The following PRP4K variants were observed in gnomAD, a reference collection of about 807,000 sequenced individuals.
PRP4K encodes the protein serine/threonine-protein kinase PRP4 homolog.
chr6:4,060,756 G>T, the PRP4K span: 1 of 775,988 alleles, frequency 1.3e-6, no homozygotes, highest in Non-Finnish European at 2.0e-6. The surrounding 1 kb of genome is among the most constrained non-coding windows in gnomAD (Gnocchi z 4.7). Context: ...AACACCAAGG[G>T]TGATATTTCT....
chr6:4,041,854 A>G, the PRP4K span, among the ~76,000 whole-genome samples: 8 of 152,254 alleles, frequency 5.3e-5, no homozygotes, highest in African/African-American at 9.6e-5. Flanking sequence ...GGCATTCTAC[A>G]TAGATTCTGA....
chr6:4,040,959 T>G, the PRP4K span: 10 of 1,579,012 alleles, frequency 6.3e-6, no homozygotes, highest in Admixed American at 1.9e-4. Flanking sequence ...AACTTTGTTT[T>G]TCCAGTTTAG....
At chr6:4,031,487 T>C in the PRP4K span, 1 of 1,189,258 alleles carries the variant, frequency 8.4e-7, no homozygotes, top group Non-Finnish European at 1.2e-6. Context: ...TTCTCATTAC[T>C]GTTATTTTCT....
the PRP4K span, among the ~76,000 whole-genome samples, chr6:4,038,445 C>G: frequency 6.6e-6 from 1 of 150,450 alleles, no homozygotes; most frequent in African/African-American, 2.4e-5. Flanking sequence ...GCCACCATGC[C>G]CAGCTTTTTT....
chr6:4,053,903 T>TTTTTGTTTTGTTTTGTTTTG, the PRP4K span, among the ~76,000 whole-genome samples: 2,225 of 149,490 alleles, frequency 0.015, 57 homozygotes, highest in African/African-American at 0.053. Context: ...TCTTTTGTTT[T>TTTTTGTTTTGTTTTGTTTTG]TTTTGTTTTG....
the PRP4K span, among the ~76,000 whole-genome samples, chr6:4,031,045 A>G: frequency 6.6e-6 from 1 of 152,206 alleles, no homozygotes; most frequent in Non-Finnish European, 1.5e-5. Flanking sequence ...GCTCAAAACA[A>G]GTGACCTGCT....
At chr6:4,042,785 T>C in the PRP4K span, among the ~76,000 whole-genome samples, 2 of 152,212 alleles carry the variant, frequency 1.3e-5, no homozygotes, top group African/African-American at 2.4e-5. Context: ...TGTTTATACA[T>C]AGAATTCTGA....
chr6:4,033,056 T>G, the PRP4K span, among the ~76,000 whole-genome samples: 8 of 152,182 alleles, frequency 5.3e-5, no homozygotes, highest in Admixed American at 3.9e-4. Context: ...TCCATGTAAT[T>G]TGGCTGATAA....
the PRP4K span, among the ~76,000 whole-genome samples, chr6:4,027,613 T>TGG: frequency 6.7e-4 from 26 of 38,548 alleles, no homozygotes; most frequent in South Asian, 1.0e-3. Context: ...GGGGGTGGGG[T>TGG]GGGGGTTGGT....
the PRP4K span, among the ~76,000 whole-genome samples, chr6:4,047,901 TACACACAC>T: frequency 0.042 from 5,902 of 142,042 alleles, 164 homozygotes; most frequent in East Asian, 0.13. Flanking sequence ...CATGTATATG[TACACACAC>T]ACACACACAC....
At chr6:4,023,377 T>G in the PRP4K span, among the ~76,000 whole-genome samples, 1 of 151,984 alleles carries the variant, frequency 6.6e-6, no homozygotes, top group South Asian at 2.1e-4. Flanking sequence ...ATGATGAAAC[T>G]GAAACACAGA....
the PRP4K span, among the ~76,000 whole-genome samples, chr6:4,053,816 G>A: frequency 1.3e-5 from 2 of 152,148 alleles, no homozygotes; most frequent in African/African-American, 4.8e-5. Context: ...AGATCCTGAA[G>A]ACTAAAAGCT....
the PRP4K span, chr6:4,031,877 T>C: frequency 1.7e-5 from 27 of 1,613,960 alleles, no homozygotes; most frequent in Non-Finnish European, 1.8e-5. Flanking sequence ...AGGCCGAACT[T>C]GATAATGAGT....
the PRP4K span, among the ~76,000 whole-genome samples, chr6:4,055,762 A>G: frequency 4.6e-5 from 7 of 152,316 alleles, no homozygotes; most frequent in Middle Eastern, 6.8e-3. Flanking sequence ...TATATTTAAC[A>G]TTTTCTTGAC....
At chr6:4,023,101 C>A in the PRP4K span, among the ~76,000 whole-genome samples, 1 of 152,226 alleles carries the variant, frequency 6.6e-6, no homozygotes, top group Non-Finnish European at 1.5e-5. Context: ...ATATGTCTCA[C>A]TTTCAGTAGT....
the PRP4K span, among the ~76,000 whole-genome samples, chr6:4,028,852 T>C: frequency 6.6e-6 from 1 of 151,860 alleles, no homozygotes; most frequent in African/African-American, 2.4e-5. Flanking sequence ...CCACCCCTTC[T>C]CCCAGCAAGT....
the PRP4K span, among the ~76,000 whole-genome samples, chr6:4,033,787 A>G: frequency 6.6e-6 from 1 of 152,170 alleles, no homozygotes; most frequent in Non-Finnish European, 1.5e-5. Context: ...CTGTGTCTTA[A>G]GAGCGTCTTG....
chr6:4,063,039 A>G, the PRP4K span: 1 of 152,632 alleles, frequency 6.6e-6, no homozygotes, highest in African/African-American at 2.4e-5. Context: ...TCTTTAAAAA[A>G]CAAAGTTGCT....
the PRP4K span, among the ~76,000 whole-genome samples, chr6:4,024,665 C>T: frequency 6.6e-6 from 1 of 152,104 alleles, no homozygotes; most frequent in Non-Finnish European, 1.5e-5. Flanking sequence ...TGCAGTAGCG[C>T]AATCTTGGCT....
Sources: gnomAD v4.1 joint callset for allele counts (sites outside exome capture counted in the v4.1 genomes callset) on GRCh38, gnomAD v4.1.1 for gene constraint, Gnocchi (gnomAD v3.1) non-coding constraint, MANE v1.5 for transcripts, NCBI Gene and HGNC (gene_info 2026-07-23, HGNC 2026-07-21) for gene names.